Variants in ICA1L observed in about 807,000 individuals in gnomAD.
ICA1L encodes islet cell autoantigen 1-like protein.
A neutral mutation model predicts 61.3 loss-of-function variants in ICA1L; 50 were observed. The observed-to-expected ratio is 0.82, with a 90% CI of 0.65 to 1.03. The LOEUF (loss-of-function observed/expected upper bound fraction) is 1.03, where lower values mean the gene tolerates loss of function less well. Ranked by LOEUF, ICA1L falls within the 50% of genes least tolerant of loss-of-function variation. The pLI is 0.00. For synonymous variants in ICA1L, 161 were observed against 191.3 expected (o/e 0.84, Z 1.31); for missense variants, 508 against 556.7 (o/e 0.91, Z 0.88).
Position 202,849,228 on chromosome 2 carries a change from GGTTTTT to G in ICA1L, c.-7-20218_-7-20213del, listed in dbSNP as rs539339183. On this transcript the variant is annotated intron_variant, in intron 1 of 12. Coordinates refer to ENST00000358299, the MANE Select transcript of ICA1L (RefSeq NM_001288622.3). The surrounding 1 kb of genome is among the most constrained non-coding windows in gnomAD (Gnocchi z 4.5). ...GGCAGACACCGAGCTAGCTGCAGGA[GGTTTTT>G]GTTTTTGTTTTTGTACCCCAGTGGT... Among the ~76,000 whole-genome samples the G allele has an allele frequency of 4.5e-4, 68 of 152,300 alleles. No individual in the cohort carries two copies. The highest frequency in any genetic ancestry group is 6.9e-4 in the Non-Finnish European group (47 of 68,020).
intron 2 of ICA1L, among the ~76,000 whole-genome samples, chr2:202,827,474 G>T (rs1574359085): frequency 1.3e-5 from 2 of 151,834 alleles, no homozygotes; most frequent in East Asian, 1.9e-4. Context: ...TCTTTGCAAG[G>T]TTTATGTACT....
intron 9 of ICA1L, among the ~76,000 whole-genome samples, chr2:202,797,448 A>G (rs1692966423): frequency 6.6e-6 from 1 of 152,252 alleles, no homozygotes. Context: ...TTGTTTTGAT[A>G]TATGTAATAC....
intron 1 of ICA1L, among the ~76,000 whole-genome samples, chr2:202,839,621 T>C (rs549153788): frequency 2.8e-4 from 39 of 138,766 alleles, no homozygotes; most frequent in East Asian, 2.0e-3. Context: ...TGTGTGTGTT[T>C]TGTTTTGTTT....
intron 1 of ICA1L, chr2:202,841,855 G>T: frequency 3.9e-6 from 1 of 258,742 alleles, no homozygotes; most frequent in Admixed American, 4.4e-5. Flanking sequence ...GCTGCTTCTT[G>T]GTCTATTTTT....
At chr2:202,811,939 G>A in intron 8 of ICA1L, 150 bp from the exon 9 acceptor site, 1 of 670,182 alleles carries the variant, frequency 1.5e-6, no homozygotes. Flanking sequence ...TATATCTGGT[G>A]AATTTCCTAC....
intron 10 of ICA1L, among the ~76,000 whole-genome samples, chr2:202,792,646 T>C (rs1472559491): frequency 2.0e-5 from 3 of 151,444 alleles, no homozygotes; most frequent in Non-Finnish European, 2.9e-5. Flanking sequence ...CTACTAAAAA[T>C]ATAGAACAAA....
chr2:202,854,417 A>G (rs1694715966), intron 1 of ICA1L, among the ~76,000 whole-genome samples: 1 of 152,204 alleles, frequency 6.6e-6, no homozygotes. Context: ...CTACAAAAAG[A>G]CTTAGACTCG....
At chr2:202,837,322 C>T (rs1450163240) in intron 1 of ICA1L, among the ~76,000 whole-genome samples, 1 of 150,530 alleles carries the variant, frequency 6.6e-6, no homozygotes, top group Non-Finnish European at 1.5e-5. Flanking sequence ...GAGTCTCTGT[C>T]ACCCAAGCTG....
chr2:202,786,011 G>A lies in ICA1L; in HGVS notation c.1244-4C>T. ...GATTCCTCTTGGGAGACCCAGTCTG[G>A]GATAAAAGAAGTAAAAATTGTCCAT... On this transcript the variant is annotated splice_region_variant and splice_polypyrimidine_tract_variant and intron_variant, in intron 11 of 12. Transcript: ENST00000358299. 6.4e-7 allele frequency: 1 copy of A among 1,567,400 alleles called. No homozygotes were observed. Among genetic ancestry groups the A allele is most frequent in the Non-Finnish European group, 8.7e-7 (1 of 1,145,114 alleles).
In ICA1L at chr2:202,841,207, C is replaced by T. The variant is rs1412100417; in HGVS notation, c.-7-12191G>A. ...ACATACTGCCTGATGAGGACAAATTCATTCTCCATCTCTGTACGTTTGTTG... is the reference window on the plus strand; with the variant it reads ...ACATACTGCCTGATGAGGACAAATTTATTCTCCATCTCTGTACGTTTGTTG... On this transcript the variant is annotated intron_variant, in intron 1 of 12. Transcript: ENST00000358299. 1.4e-5 allele frequency: 10 copies of T among 696,092 alleles called. No homozygotes were observed. The Admixed American group carries it at 1.8e-4, about 12-fold the overall frequency. The allele number at this position is 696,092 out of a possible 1,614,324, so 43.1% of individuals were successfully genotyped here.
At chr2:202,855,333 C>T (rs1559149429) in intron 1 of ICA1L, among the ~76,000 whole-genome samples, 1 of 151,892 alleles carries the variant, frequency 6.6e-6, no homozygotes, top group Non-Finnish European at 1.5e-5. Flanking sequence ...ACATGAAAAA[C>T]CCTCCAAAAA....
chr2:202,804,141 G>T (rs1186396507), intron 9 of ICA1L, among the ~76,000 whole-genome samples: 1 of 152,236 alleles, frequency 6.6e-6, no homozygotes. Context: ...ATTTGTGCTG[G>T]ACATGCTTAC....
At chr2:202,811,930 A>AT in intron 8 of ICA1L, 141 bp from the exon 9 acceptor site, 1 of 682,596 alleles carries the variant, frequency 1.5e-6, no homozygotes, top group Non-Finnish European at 2.6e-6. Flanking sequence ...CCTAAAATCT[A>AT]TATCTGGTGA....
At chr2:202,868,231 A>AT (rs1262805713) in intron 1 of ICA1L, among the ~76,000 whole-genome samples, 1 of 152,238 alleles carries the variant, frequency 6.6e-6, no homozygotes, top group Non-Finnish European at 1.5e-5. Flanking sequence ...ACAAAAAAAA[A>AT]CTTTTGATAA....
intron 9 of ICA1L, among the ~76,000 whole-genome samples, chr2:202,809,130 C>T (rs1175872793): frequency 6.6e-6 from 1 of 151,948 alleles, no homozygotes; most frequent in Non-Finnish European, 1.5e-5. Flanking sequence ...TGAGGAAGCT[C>T]AGCGAAATTC....
At chr2:202,827,657 C>A (rs1383503856) in intron 2 of ICA1L, among the ~76,000 whole-genome samples, 1 of 152,042 alleles carries the variant, frequency 6.6e-6, no homozygotes, top group Non-Finnish European at 1.5e-5. Context: ...TATATATTCC[C>A]ACTTCTATGG....
chr2:202,864,247 A>ACTT (rs1687396615), intron 1 of ICA1L, among the ~76,000 whole-genome samples: 1 of 146,612 alleles, frequency 6.8e-6, no homozygotes, highest in Admixed American at 6.8e-5. Flanking sequence ...TTACAGATCA[A>ACTT]TTTTTTTTTT....
At chr2:202,792,466 C>T (rs1320970679) in intron 10 of ICA1L, among the ~76,000 whole-genome samples, 1 of 152,032 alleles carries the variant, frequency 6.6e-6, no homozygotes, top group Non-Finnish European at 1.5e-5. Context: ...AATAAGTAAA[C>T]ATAAGATGGT....
intron 4 of ICA1L, chr2:202,820,121 C>G (rs1389520617): frequency 2.1e-6 from 1 of 487,794 alleles, no homozygotes; most frequent in African/African-American, 2.0e-5. Flanking sequence ...CGCTTGTAAT[C>G]CTAGCACTTT....
Sources: allele counts gnomAD v4.1 joint callset (sites outside exome capture counted in the v4.1 genomes callset), GRCh38; gene constraint gnomAD v4.1.1; non-coding constraint Gnocchi (gnomAD v3.1); transcripts MANE v1.5; gene names NCBI Gene and HGNC (gene_info 2026-07-23, HGNC 2026-07-21).